The following SUSD1 variants were observed in gnomAD, a reference collection of about 807,000 sequenced individuals.
SUSD1 encodes the protein sushi domain containing 1, also known as sushi domain-containing protein 1.
A neutral mutation model predicts 86.9 loss-of-function variants in SUSD1; 65 were observed. That is an observed-to-expected ratio of 0.75 (90% CI 0.61 to 0.92). The LOEUF is 0.92. Ranked by LOEUF, SUSD1 falls within the 40% of genes least tolerant of loss-of-function variation. The pLI is 0.00. For synonymous variants in SUSD1, 346 were observed against 350.0 expected (o/e 0.99, Z 0.13); for missense variants, 850 against 929.7 (o/e 0.91, Z 1.11).
intron 6 of SUSD1, among the ~76,000 whole-genome samples, chr9:112,118,668 A>G (rs1831427936): frequency 6.6e-6 from 1 of 152,142 alleles, no homozygotes; most frequent in South Asian, 2.1e-4. Flanking sequence ...TATCTTTAGT[A>G]GAGACGGGGT....
chr9:112,083,304 T>A (rs780570069), intron 10 of SUSD1, among the ~76,000 whole-genome samples: 26 of 152,134 alleles, frequency 1.7e-4, no homozygotes, highest in Non-Finnish European at 2.4e-4. Context: ...CTCAGCTCAG[T>A]GCAACCTCTG....
chr9:112,148,812 A>T (rs1310889193), intron 3 of SUSD1, among the ~76,000 whole-genome samples: 1 of 152,066 alleles, frequency 6.6e-6, no homozygotes, highest in Non-Finnish European at 1.5e-5. Flanking sequence ...AAGCTGAGGC[A>T]GGAGAATCGC....
intron 6 of SUSD1, among the ~76,000 whole-genome samples, chr9:112,116,095 C>A (rs1327811574): frequency 6.6e-6 from 1 of 152,224 alleles, no homozygotes; most frequent in Non-Finnish European, 1.5e-5. Flanking sequence ...CCCTCATCTT[C>A]TCTCTGAGTT....
intron 12 of SUSD1, among the ~76,000 whole-genome samples, chr9:112,064,068 T>C (rs1467598448): frequency 1.3e-5 from 2 of 150,098 alleles, no homozygotes; most frequent in East Asian, 4.0e-4. Context: ...GGGTGGGGGC[T>C]GCCTGAATGC....
intron 14 of SUSD1, among the ~76,000 whole-genome samples, chr9:112,058,065 A>G (rs1458614367): frequency 6.6e-6 from 1 of 152,220 alleles, no homozygotes; most frequent in South Asian, 2.1e-4. Flanking sequence ...TCGGCTTCCC[A>G]GGAGAATGAG....
intron 6 of SUSD1, 77 bp downstream of exon 6, chr9:112,124,177 GCAA>G: frequency 2.1e-6 from 3 of 1,399,298 alleles, no homozygotes; most frequent in South Asian, 2.8e-5. Flanking sequence ...GAGTGAAGCA[GCAA>G]TCAGATAGTT....
At chr9:112,093,677 G>C (rs1321635858) in intron 10 of SUSD1, among the ~76,000 whole-genome samples, 1 of 152,172 alleles carries the variant, frequency 6.6e-6, no homozygotes, top group Non-Finnish European at 1.5e-5. Flanking sequence ...ATCTCAGATG[G>C]AAAGGAGAGG....
chr9:112,173,566 G>T, intron 1 of SUSD1: 1 of 369,388 alleles, frequency 2.7e-6, no homozygotes, highest in South Asian at 2.4e-5. Flanking sequence ...TCGGGAGTCT[G>T]AGCTGGAACT....
At position 112,157,527 on chromosome 9, in the gene SUSD1, C is replaced by A. The variant is rs140748674; in HGVS notation, c.190G>T (p.Val64Leu). ...KKICICNYGFVGNGRTQCVDK... is the reference protein window; with the variant it reads ...KKICICNYGFLGNGRTQCVDK... ...ACACACTGAGTCCTCCCGTTCCCTA[C>A]AAATCCATAGTTGCAAATACAGATC... Residue 64 changes from valine to leucine, a missense_variant, in exon 2 of 17, where the codon GTA (valine) becomes TTA (leucine). Val to Leu is a conservative substitution (Grantham distance 32). Coordinates refer to ENST00000374270, the MANE Select transcript of SUSD1 (RefSeq NM_022486.5). 8 of 1,614,118 alleles carry A rather than the reference C, an allele frequency of 5.0e-6. No individual in the cohort carries two copies. Among genetic ancestry groups the A allele is most frequent in the Middle Eastern group, 1.7e-4 (1 of 6,060 alleles).
At chr9:112,045,849 T>A (rs899517714) in intron 15 of SUSD1, among the ~76,000 whole-genome samples, 29 of 152,316 alleles carry the variant, frequency 1.9e-4, no homozygotes, top group African/African-American at 6.5e-4. Context: ...ATACGCTACA[T>A]CCATGTTGGA....
chr9:112,061,844 G>C (rs1042945519), intron 13 of SUSD1, among the ~76,000 whole-genome samples: 3 of 151,596 alleles, frequency 2.0e-5, no homozygotes, highest in Non-Finnish European at 2.9e-5. Flanking sequence ...TTTACCGAAG[G>C]GTCAGCAGAG....
intron 10 of SUSD1, among the ~76,000 whole-genome samples, chr9:112,087,986 T>G (rs1356560318): frequency 1.3e-5 from 2 of 152,038 alleles, no homozygotes; most frequent in African/African-American, 4.8e-5. Flanking sequence ...CTCAAAGAAA[T>G]AAACATAACA....
intron 2 of SUSD1, 57 bp downstream of exon 2, chr9:112,157,443 A>G (rs1176300956): frequency 7.9e-7 from 1 of 1,267,578 alleles, no homozygotes; most frequent in Non-Finnish European, 1.1e-6. Context: ...TCTTTAATAC[A>G]AGAGAATCTT....
At chr9:112,168,009 TC>T (rs1833895166) in intron 1 of SUSD1, among the ~76,000 whole-genome samples, 1 of 152,018 alleles carries the variant, frequency 6.6e-6, no homozygotes, top group African/African-American at 2.4e-5. Context: ...GGGGGAAACC[TC>T]CCCCATGATT....
intron 10 of SUSD1, among the ~76,000 whole-genome samples, chr9:112,083,967 G>A (rs1258661461): frequency 6.6e-6 from 1 of 152,068 alleles, no homozygotes; most frequent in Non-Finnish European, 1.5e-5. Context: ...GTTTTAGTAG[G>A]CAATTGATCT....
chr9:112,173,750 TG>T (rs1488051344), intron 1 of SUSD1: 1 of 371,030 alleles, frequency 2.7e-6, no homozygotes, highest in Non-Finnish European at 5.3e-6. Context: ...TTGGGGTTTA[TG>T]AGGGCAAGGC....
intron 10 of SUSD1, among the ~76,000 whole-genome samples, chr9:112,083,577 A>C (rs1564279768): frequency 6.6e-6 from 1 of 152,220 alleles, no homozygotes; most frequent in African/African-American, 2.4e-5. Flanking sequence ...TGATTGAAAA[A>C]GCTTTTACAG....
intron 10 of SUSD1, among the ~76,000 whole-genome samples, chr9:112,088,703 G>A (rs1830082443): frequency 6.6e-6 from 1 of 152,216 alleles, no homozygotes; most frequent in South Asian, 2.1e-4. Flanking sequence ...GAGGTCGGAG[G>A]ATCACTTGAG....
At chr9:112,118,727 C>A (rs10981265) in intron 6 of SUSD1, among the ~76,000 whole-genome samples, 4,058 of 152,244 alleles carry the variant, frequency 0.027, 171 homozygotes, top group African/African-American at 0.093. Flanking sequence ...TCAGGTGATC[C>A]ACCCTTCTCG....
Sources: gnomAD v4.1 joint callset for allele counts (sites outside exome capture counted in the v4.1 genomes callset) on GRCh38, gnomAD v4.1.1 for gene constraint, MANE v1.5 for transcripts, NCBI Gene and HGNC (gene_info 2026-07-23, HGNC 2026-07-21) for gene names.